The following PMS2 variants were observed in gnomAD, a reference collection of about 807,000 sequenced individuals.
PMS2 encodes mismatch repair endonuclease PMS2.
Under a neutral mutation model 90.0 loss-of-function variants are expected in PMS2, and 69 were observed. That is an observed-to-expected ratio of 0.77 (90% CI 0.63 to 0.94). The LOEUF is 0.94. PMS2 is among the 40% of genes least tolerant of loss of function. The probability of loss-of-function intolerance (pLI) is 0.00; values close to 1 mark genes in which losing one functional copy is unlikely to be tolerated. For synonymous variants in PMS2, 332 were observed against 375.1 expected, an observed-to-expected ratio of 0.89 and a Z score of 1.33; for missense variants, 966 against 1,040.2, an observed-to-expected ratio of 0.93 and a Z score of 0.98.
rs2128828168 is a variant in PMS2, at chr7:6,003,826, C to T, written c.251-34G>A. 1 of 1,416,180 alleles carries T rather than the reference C, an allele frequency of 7.1e-7. No homozygotes were observed. The highest frequency in any genetic ancestry group is 1.8e-4 in the Middle Eastern group (1 of 5,662). 87.7% of individuals were successfully genotyped at this position (1,416,180 alleles called of 1,614,324 possible). A position where few individuals can be genotyped will look rare whatever the true frequency, so the allele number is the denominator to read the frequency against. Reference sequence around the variant, plus strand: ...GAGTGTAAAGTAAGGACTAAGATATCTCAAGTGCTATAACAACAAAATATA... The same window carrying T: ...GAGTGTAAAGTAAGGACTAAGATATTTCAAGTGCTATAACAACAAAATATA... On this transcript the variant is annotated intron_variant, in intron 3 of 14. Coordinates refer to ENST00000265849, the MANE Select transcript of PMS2 (RefSeq NM_000535.7).
rs530105550 is a variant in PMS2 at position 5,996,931 on chromosome 7, C to T, written c.803+395G>A. ...TAAAGGACATAAAAAACTATTATCCCTAGCCAGGCGTGGTGGCTCATGCCT... is the reference window on the plus strand; with the variant it reads ...TAAAGGACATAAAAAACTATTATCCTTAGCCAGGCGTGGTGGCTCATGCCT... On this transcript the variant is annotated intron_variant, in intron 7 of 14. Coordinates refer to ENST00000265849, the MANE Select transcript of PMS2 (RefSeq NM_000535.7). Among the ~76,000 whole-genome samples the T allele has an allele frequency of 4.6e-5, 7 of 152,058 alleles. No individual in the cohort carries two copies. The South Asian group carries it at 1.5e-3, about 32-fold the overall frequency.
At position 5,995,434 on chromosome 7, in the gene PMS2, A is replaced by C. The variant is rs12534423; in HGVS notation, c.903+100T>G. On this transcript the variant is annotated intron_variant, in intron 8 of 14. Transcript: ENST00000265849. ...GATAATGTTAAAGCCATGTTTCTCA[A>C]AGTCCCGAGCTCCACGTAAACTGCC... 57,146 of 760,082 alleles carry C rather than the reference A, an allele frequency of 0.075. 4,559 individuals carry two copies. The highest frequency in any genetic ancestry group is 0.36 in the East Asian group (13,972 of 38,736). The allele number at this position is 760,082 out of a possible 1,614,324, so 47.1% of individuals were successfully genotyped here.
chr7:5,987,641 A>G lies in PMS2; in HGVS notation c.1145-21T>C, dbSNP rs1783196050. ...GTTACCTAAGCAAACGTGGACGGAG[A>G]AGAGGGTCAGGGACTATCCTGAAAT... On this transcript the variant is annotated intron_variant, in intron 10 of 14. Coordinates refer to ENST00000265849, the MANE Select transcript of PMS2 (RefSeq NM_000535.7). 2 of 1,521,156 alleles carry G rather than the reference A, an allele frequency of 1.3e-6. No individual in the cohort carries two copies. The highest frequency in any genetic ancestry group is 1.8e-6 in the Non-Finnish European group (2 of 1,103,938). 94.2% of individuals were successfully genotyped at this position (1,521,156 alleles called of 1,614,324 possible).
chr7:5,982,292 G>A (rs1309993192), intron 12 of PMS2, among the ~76,000 whole-genome samples: 7 of 152,058 alleles, frequency 4.6e-5, no homozygotes, highest in East Asian at 1.9e-4. Context: ...TGCAAACTCC[G>A]CCTCCCGGGT....
Position 6,004,096 on chromosome 7 carries a change from G to T in PMS2, c.164-38C>A, listed in dbSNP as rs374385984. 12 of 1,119,362 alleles carry T rather than the reference G, an allele frequency of 1.1e-5. No homozygotes were observed. The Admixed American group carries it at 1.2e-4, about 11-fold the overall frequency. 69.3% of individuals were successfully genotyped at this position (1,119,362 alleles called of 1,614,324 possible). A position where few individuals can be genotyped will look rare whatever the true frequency, so the allele number is the denominator to read the frequency against. ...AAATATTTACATATTTATTAAAAAC[G>T]GACCCATGCTATCAGTTTTTATATT... is the stretch of plus-strand genomic sequence containing the variant. On this transcript the variant is annotated intron_variant, in intron 2 of 14. Transcript: ENST00000265849.
chr7:6,003,366 G>T (rs1785327922), intron 4 of PMS2: 1 of 196,136 alleles, frequency 5.1e-6, no homozygotes, highest in African/African-American at 2.4e-5. Flanking sequence ...TAATTAAATA[G>T]TGCTTTGGTG....
rs763278245 is a variant in PMS2, at chr7:5,986,842, C to T, written c.1923G>A (p.Gly641=). Residue 641 remains glycine, a synonymous_variant, in exon 11 of 15, where the codon GGG becomes GGA. Transcript: ENST00000265849. ...QLHHEAQQSE[G]EQNYRKFRAK... Reference sequence around the variant, plus strand: ...CCCTAAACTTCCTGTAATTCTGTTCCCCTTCACTTTGCTGTGCTTCATGAT... The same window carrying T: ...CCCTAAACTTCCTGTAATTCTGTTCTCCTTCACTTTGCTGTGCTTCATGAT... 6.2e-7 allele frequency: 1 copy of T among 1,613,710 alleles called. No homozygotes were observed. The highest frequency in any genetic ancestry group is 1.7e-5 in the Admixed American group (1 of 59,978).
intron 7 of PMS2, among the ~76,000 whole-genome samples, chr7:5,996,640 G>A (rs2128782400): frequency 6.8e-6 from 1 of 146,362 alleles, no homozygotes; most frequent in East Asian, 2.0e-4. Flanking sequence ...TATCTTTACA[G>A]GACCAATCCT....
rs753803330 is a variant in PMS2, at chr7:5,995,530, A to T, written c.903+4T>A. ...ACAAACTAACACAAAAAAATTTTAAATACCTTTGCTGGGTCACAAGGCCGC... is the reference window on the plus strand; with the variant it reads ...ACAAACTAACACAAAAAAATTTTAATTACCTTTGCTGGGTCACAAGGCCGC... On this transcript the variant is annotated splice_donor_region_variant and intron_variant, in intron 8 of 14. Coordinates refer to ENST00000265849, the MANE Select transcript of PMS2 (RefSeq NM_000535.7). 98 of 1,606,818 alleles carry T rather than the reference A, an allele frequency of 6.1e-5. 2 individuals carry two copies. In the South Asian group the frequency reaches 8.8e-4, roughly 14 times the overall value.
At chr7:5,990,254 C>T (rs184662838) in intron 9 of PMS2, among the ~76,000 whole-genome samples, 306 of 152,320 alleles carry the variant, frequency 2.0e-3, no homozygotes, top group African/African-American at 6.7e-3. Context: ...GTGATCCACC[C>T]GCCTTGGCCT....
intron 12 of PMS2, among the ~76,000 whole-genome samples, chr7:5,980,988 T>C (rs528700670): frequency 9.7e-4 from 147 of 151,790 alleles, no homozygotes; most frequent in South Asian, 2.9e-3. Context: ...GGTTCAGTGG[T>C]ACATTTCTCC....
At position 6,008,910 on chromosome 7, in the gene PMS2, C is replaced by A. The variant is rs1382088134; in HGVS notation, c.23+87G>T. 1.2e-5 allele frequency: 18 copies of A among 1,500,452 alleles called. No individual in the cohort carries two copies. In the East Asian group the frequency reaches 4.1e-4, roughly 34 times the overall value. The allele number at this position is 1,500,452 out of a possible 1,614,324, so 92.9% of individuals were successfully genotyped here. On this transcript the variant is annotated intron_variant, in intron 1 of 14. Transcript: ENST00000265849. Reference sequence around the variant, plus strand: ...CCTCGCCACGCGCCTCGGCCATGTTCCCCCCATTTCCAGGGAGGTTGGAAT... The same window carrying A: ...CCTCGCCACGCGCCTCGGCCATGTTACCCCCATTTCCAGGGAGGTTGGAAT...
chr7:5,989,220 C>T (rs564280499), intron 10 of PMS2, among the ~76,000 whole-genome samples: 41 of 152,150 alleles, frequency 2.7e-4, no homozygotes, highest in African/African-American at 7.2e-4. Flanking sequence ...TGCTTGAGCT[C>T]AAGAGTTTGA....
chr7:6,002,515 C>G lies in PMS2; in HGVS notation c.475G>C (p.Val159Leu), dbSNP rs142416537. 3 of 1,611,710 alleles carry G rather than the reference C, an allele frequency of 1.9e-6. No individual in the cohort carries two copies. Among genetic ancestry groups the G allele is most frequent in the Non-Finnish European group, 2.5e-6 (3 of 1,179,624 alleles). ...YPRPRGTTVSVQQLFSTLPVR... is the reference protein window; with the variant it reads ...YPRPRGTTVSLQQLFSTLPVR... ...GGTAGTGTGGAAAATAACTGCTGCA[C>G]GCTGACTGTGGTCCCTCTGGGGCGG... Residue 159 changes from valine to leucine, a missense_variant, in exon 5 of 15, where the codon GTG becomes CTG. By Grantham distance (32) the Val-to-Leu change is conservative (BLOSUM62 1). Around this residue, in one of 2 missense-constraint regions of PMS2, gnomAD observed 871 missense variants for 802.4 expected, o/e 1.09. Transcript: ENST00000265849.
At chr7:5,981,548 C>A (rs1453429619) in intron 12 of PMS2, among the ~76,000 whole-genome samples, 1 of 149,686 alleles carries the variant, frequency 6.7e-6, no homozygotes, top group Non-Finnish European at 1.5e-5. Context: ...ATCCAACCTG[C>A]AGTGACTATC....
At chr7:5,999,403 G>T in intron 5 of PMS2, 128 bp from the exon 6 acceptor site, 1 of 847,716 alleles carries the variant, frequency 1.2e-6, no homozygotes, top group Non-Finnish European at 2.0e-6. Flanking sequence ...ACTGTTGACA[G>T]AATGATCTGT....
At position 6,006,044 on chromosome 7, in the gene PMS2, G is replaced by A; in HGVS notation, c.24-13C>T. On this transcript the variant is annotated splice_polypyrimidine_tract_variant and intron_variant, in intron 1 of 14. Coordinates refer to ENST00000265849, the MANE Select transcript of PMS2 (RefSeq NM_000535.7). ...AGCAGGTTCTGTACTAGAGAAATCA[G>A]TTACAAGAAACAAATCAAGTATTCA... 6.2e-7 allele frequency: 1 copy of A among 1,610,290 alleles called. No individual in the cohort carries two copies. Among genetic ancestry groups the A allele is most frequent in the Non-Finnish European group, 8.5e-7 (1 of 1,179,514 alleles).
intron 11 of PMS2, among the ~76,000 whole-genome samples, chr7:5,983,827 T>A (rs1051727477): frequency 6.6e-6 from 1 of 151,588 alleles, no homozygotes; most frequent in Non-Finnish European, 1.5e-5. Flanking sequence ...AATTTTTTTA[T>A]TTTTAGTAGA....
chr7:5,997,673 T>C (rs1784583300), intron 6 of PMS2, among the ~76,000 whole-genome samples: 1 of 152,036 alleles, frequency 6.6e-6, no homozygotes, highest in South Asian at 2.1e-4. Context: ...GCCTGTCGAG[T>C]GAGTAGCTGG....
Sources: allele counts gnomAD v4.1 joint callset (sites outside exome capture counted in the v4.1 genomes callset), GRCh38; gene constraint gnomAD v4.1.1; regional missense constraint gnomAD v4.1.1; transcripts MANE v1.5; gene names NCBI Gene and HGNC (gene_info 2026-07-23, HGNC 2026-07-21).